PPARGC1A: variants seen among roughly 807,000 people sequenced by gnomAD.
The protein encoded by PPARGC1A is peroxisome proliferator-activated receptor gamma coactivator 1-alpha.
PPARGC1A carries 25 observed loss-of-function variants against 88.7 expected under a neutral mutation model. The ratio of observed to expected loss-of-function variants is 0.28; its 90% CI spans 0.21 to 0.39. The LOEUF (loss-of-function observed/expected upper bound fraction) is 0.39. PPARGC1A is among the 10% of genes least tolerant of loss of function. The pLI, the probability that PPARGC1A is intolerant of heterozygous loss-of-function variation, is 1.00. For synonymous variants in PPARGC1A, 363 were observed against 355.6 expected (o/e 1.02, Z -0.24); for missense variants, 880 against 968.7 (o/e 0.91, Z 1.22).
chr4:24,470,398 G>GCT, the PPARGC1A span, among the ~76,000 whole-genome samples: 1 of 151,826 alleles, frequency 6.6e-6, no homozygotes. This position sits in a 1 kb window ranked among gnomAD's most constrained non-coding sequence, Gnocchi z 5.8. Flanking sequence ...GTGGTCGTTG[G>GCT]CTCTCGGCAA....
chr4:23,909,099 G>C, the PPARGC1A span, among the ~76,000 whole-genome samples: 3 of 152,088 alleles, frequency 2.0e-5, no homozygotes, highest in African/African-American at 7.2e-5. Flanking sequence ...GATCAGCCAG[G>C]GTCTTGAAAA....
chr4:24,444,408 A>G, the PPARGC1A span, among the ~76,000 whole-genome samples: 2 of 152,184 alleles, frequency 1.3e-5, no homozygotes, highest in Non-Finnish European at 2.9e-5. Flanking sequence ...AAGTGGTTCA[A>G]TTAGGAGTCT....
the PPARGC1A span, among the ~76,000 whole-genome samples, chr4:24,241,641 T>C: frequency 7.9e-5 from 12 of 152,374 alleles, no homozygotes; most frequent in South Asian, 2.1e-4. Flanking sequence ...TTTTATGAGA[T>C]GGCTCTTCAG....
the PPARGC1A span, among the ~76,000 whole-genome samples, chr4:24,221,787 AT>A: frequency 1.7e-4 from 24 of 142,758 alleles, no homozygotes; most frequent in Admixed American, 9.0e-4. Context: ...ATAAAGTAAA[AT>A]TTTCAAAAGC....
At chr4:23,968,690 G>A in the PPARGC1A span, among the ~76,000 whole-genome samples, 6 of 152,244 alleles carry the variant, frequency 3.9e-5, no homozygotes, top group Admixed American at 6.5e-5. Flanking sequence ...CACGGCAGGA[G>A]GATCACCTGA....
At chr4:24,101,239 C>G in the PPARGC1A span, among the ~76,000 whole-genome samples, 2 of 152,260 alleles carry the variant, frequency 1.3e-5, no homozygotes, top group Admixed American at 1.3e-4. Context: ...GTATCACCTT[C>G]AACCCCTTTC....
chr4:24,259,995 G>A, the PPARGC1A span, among the ~76,000 whole-genome samples: 1 of 152,302 alleles, frequency 6.6e-6, no homozygotes, highest in African/African-American at 2.4e-5. Context: ...TCTGCTGTGA[G>A]CCCTTACCTT....
the PPARGC1A span, among the ~76,000 whole-genome samples, chr4:24,127,591 A>G: frequency 6.6e-6 from 1 of 152,080 alleles, no homozygotes; most frequent in Non-Finnish European, 1.5e-5. Context: ...TGTATTATAT[A>G]TAGAGATAGA....
chr4:24,328,687 G>A, the PPARGC1A span, among the ~76,000 whole-genome samples: 1 of 152,108 alleles, frequency 6.6e-6, no homozygotes, highest in Non-Finnish European at 1.5e-5. Flanking sequence ...GTTTTATTTT[G>A]CAACTTGAGG....
the PPARGC1A span, among the ~76,000 whole-genome samples, chr4:24,040,256 C>G: frequency 6.6e-6 from 1 of 152,178 alleles, no homozygotes; most frequent in Non-Finnish European, 1.5e-5. Context: ...CATCTTAGCC[C>G]TGTGACTATT....
chr4:23,869,533 A>T (rs1460489345), intron 2 of PPARGC1A, among the ~76,000 whole-genome samples: 2 of 152,130 alleles, frequency 1.3e-5, no homozygotes, highest in African/African-American at 4.8e-5. Context: ...TTTAGACAGA[A>T]ATTAGATTTA....
the PPARGC1A span, among the ~76,000 whole-genome samples, chr4:24,147,695 C>A: frequency 6.6e-6 from 1 of 152,120 alleles, no homozygotes; most frequent in Non-Finnish European, 1.5e-5. Context: ...GAGTCCTAAG[C>A]AATAGAAGAG....
chr4:23,950,384 A>G, the PPARGC1A span, among the ~76,000 whole-genome samples: 1 of 152,140 alleles, frequency 6.6e-6, no homozygotes, highest in South Asian at 2.1e-4. Flanking sequence ...CATTTGCCCA[A>G]TACACAAGAT....
the PPARGC1A span, among the ~76,000 whole-genome samples, chr4:24,062,901 C>T: frequency 2.6e-4 from 40 of 152,132 alleles, no homozygotes; most frequent in Non-Finnish European, 5.1e-4. Context: ...TCTGTTTACA[C>T]GGAAAATGTA....
At chr4:24,170,973 T>A in the PPARGC1A span, among the ~76,000 whole-genome samples, 22,448 of 152,196 alleles carry the variant, frequency 0.15, 2,115 homozygotes, top group South Asian at 0.3. Context: ...GTGTCACGCA[T>A]GCTCCTGCCT....
the PPARGC1A span, among the ~76,000 whole-genome samples, chr4:23,935,474 GATA>G: frequency 6.6e-6 from 1 of 152,144 alleles, no homozygotes; most frequent in East Asian, 1.9e-4. Context: ...TCATCATAAT[GATA>G]ATGTTAGTAG....
At chr4:24,283,138 G>A in the PPARGC1A span, among the ~76,000 whole-genome samples, 1 of 152,164 alleles carries the variant, frequency 6.6e-6, no homozygotes, top group Non-Finnish European at 1.5e-5. Flanking sequence ...GGCTCATTAT[G>A]TAGTGACAAA....
At chr4:24,066,441 C>T in the PPARGC1A span, among the ~76,000 whole-genome samples, 1 of 152,150 alleles carries the variant, frequency 6.6e-6, no homozygotes, top group Non-Finnish European at 1.5e-5. Context: ...TGACACAAAT[C>T]TCTATTAGCA....
upstream of PPARGC1A, among the ~76,000 whole-genome samples, chr4:23,901,095 C>T (rs111913993): frequency 1.3e-5 from 2 of 152,146 alleles, no homozygotes; most frequent in African/African-American, 2.4e-5. Flanking sequence ...AGGCCGGGCA[C>T]GGTGGCTCAT....
Sources: gnomAD v4.1 joint callset for allele counts (sites outside exome capture counted in the v4.1 genomes callset) on GRCh38, gnomAD v4.1.1 for gene constraint, Gnocchi (gnomAD v3.1) non-coding constraint, MANE v1.5 for transcripts, NCBI Gene and HGNC (gene_info 2026-07-23, HGNC 2026-07-21) for gene names.